Variants in SCHIP1 observed in about 807,000 individuals in gnomAD.
SCHIP1 encodes schwannomin-interacting protein 1.
Under a neutral mutation model 29.7 loss-of-function variants are expected in SCHIP1, and 8 were observed. That is an observed-to-expected ratio of 0.27 (90% CI 0.16 to 0.49). The LOEUF (loss-of-function observed/expected upper bound fraction) is 0.49, where lower values mean the gene tolerates loss of function less well. Ranked by LOEUF, SCHIP1 falls within the 20% of genes least tolerant of loss-of-function variation. The probability of loss-of-function intolerance (pLI) is 0.99; values close to 1 mark genes in which losing one functional copy is unlikely to be tolerated. For missense variants in SCHIP1, 193 were observed against 294.6 expected (o/e 0.66, Z 2.52); for synonymous variants, 76 against 94.9 (o/e 0.80, Z 1.16).
At chr3:159,843,404 C>T (rs1182159157) in intron 1 of SCHIP1, among the ~76,000 whole-genome samples, 1 of 152,008 alleles carries the variant, frequency 6.6e-6, no homozygotes, top group Non-Finnish European at 1.5e-5. Flanking sequence ...TTTTCTGGCT[C>T]CCTCACTCAC....
At chr3:159,716,421 G>C in the SCHIP1 span, among the ~76,000 whole-genome samples, 1 of 152,146 alleles carries the variant, frequency 6.6e-6, no homozygotes, top group African/African-American at 2.4e-5. Flanking sequence ...AAATGTAAAT[G>C]GGCTAAATGC....
intron 2 of SCHIP1, among the ~76,000 whole-genome samples, chr3:159,874,091 A>G (rs918003180): frequency 6.6e-6 from 1 of 152,196 alleles, no homozygotes; most frequent in Non-Finnish European, 1.5e-5. Flanking sequence ...CTGACCTAAC[A>G]TTGTGAAGGA....
chr3:159,774,593 G>T, the SCHIP1 span, among the ~76,000 whole-genome samples: 1 of 151,864 alleles, frequency 6.6e-6, no homozygotes, highest in South Asian at 2.1e-4. Flanking sequence ...TATATTTCCC[G>T]TAAAGTGTAG....
the SCHIP1 span, among the ~76,000 whole-genome samples, chr3:159,802,802 A>G: frequency 6.6e-6 from 1 of 152,202 alleles, no homozygotes. Flanking sequence ...TTCAGAAAGG[A>G]TAGTAGCTTA....
chr3:159,866,348 T>TAA (rs146356178), intron 2 of SCHIP1, 67 bp downstream of exon 3: 56 of 1,420,188 alleles, frequency 3.9e-5, no homozygotes, highest in Non-Finnish European at 5.2e-5. Flanking sequence ...ACTATTCTAA[T>TAA]AAAAAAAAGC....
the SCHIP1 span, among the ~76,000 whole-genome samples, chr3:159,657,230 C>T: frequency 6.6e-6 from 1 of 152,176 alleles, no homozygotes; most frequent in African/African-American, 2.4e-5. Flanking sequence ...ATGGTGCTAA[C>T]AAATGATGTG....
the SCHIP1 span, among the ~76,000 whole-genome samples, chr3:159,799,564 A>G: frequency 3.3e-5 from 5 of 152,264 alleles, no homozygotes; most frequent in African/African-American, 9.6e-5. Context: ...ACTGACAGAC[A>G]ATCCAACAGG....
At chr3:159,370,285 C>A in the SCHIP1 span, among the ~76,000 whole-genome samples, 1 of 152,260 alleles carries the variant, frequency 6.6e-6, no homozygotes, top group African/African-American at 2.4e-5. Flanking sequence ...CTCCAACAGA[C>A]CATGCACACT....
chr3:159,871,740 T>C (rs1287189046), intron 2 of SCHIP1, among the ~76,000 whole-genome samples: 1 of 152,154 alleles, frequency 6.6e-6, no homozygotes, highest in Non-Finnish European at 1.5e-5. Flanking sequence ...ATAGGAACTG[T>C]AGCATATAAA....
At chr3:159,841,072 A>T (rs1443978281) in intron 1 of SCHIP1, among the ~76,000 whole-genome samples, 2 of 152,208 alleles carry the variant, frequency 1.3e-5, no homozygotes, top group Non-Finnish European at 2.9e-5. Flanking sequence ...CAACTGACTG[A>T]GTTTAGAATC....
At chr3:159,583,238 C>A in the SCHIP1 span, among the ~76,000 whole-genome samples, 1 of 152,116 alleles carries the variant, frequency 6.6e-6, no homozygotes, top group Non-Finnish European at 1.5e-5. Flanking sequence ...TCTAAGGCAA[C>A]ACAACCATGA....
the SCHIP1 span, among the ~76,000 whole-genome samples, chr3:159,696,269 T>G: frequency 6.6e-6 from 1 of 152,160 alleles, no homozygotes; most frequent in Non-Finnish European, 1.5e-5. Flanking sequence ...CAGGACAGTG[T>G]GTAGCTCCTG....
intron 2 of SCHIP1, among the ~76,000 whole-genome samples, chr3:159,878,544 C>G (rs948145262): frequency 2.6e-5 from 4 of 150,952 alleles, no homozygotes; most frequent in African/African-American, 9.8e-5. Flanking sequence ...TTTGGGAGGC[C>G]GAGGCGGGCG....
At chr3:159,359,161 C>T in the SCHIP1 span, among the ~76,000 whole-genome samples, 4 of 151,882 alleles carry the variant, frequency 2.6e-5, no homozygotes, top group Admixed American at 6.6e-5. Context: ...CTCCTGACCT[C>T]GTGATCCGCC....
the SCHIP1 span, among the ~76,000 whole-genome samples, chr3:159,400,677 C>T: frequency 6.6e-6 from 1 of 152,168 alleles, no homozygotes; most frequent in Non-Finnish European, 1.5e-5. Context: ...TCAGGTTCCT[C>T]CAGCCTCTGA....
At chr3:159,814,862 A>G in the SCHIP1 span, among the ~76,000 whole-genome samples, 1 of 152,230 alleles carries the variant, frequency 6.6e-6, no homozygotes, top group Non-Finnish European at 1.5e-5. Context: ...GAGGATTGAA[A>G]TGATCCTAAT....
chr3:159,341,380 T>G, the SCHIP1 span, among the ~76,000 whole-genome samples: 1 of 152,122 alleles, frequency 6.6e-6, no homozygotes, highest in Non-Finnish European at 1.5e-5. Context: ...GCAAATACCT[T>G]AAAGAAAAAC....
chr3:159,558,524 T>C, the SCHIP1 span, among the ~76,000 whole-genome samples: 1 of 152,012 alleles, frequency 6.6e-6, no homozygotes, highest in Non-Finnish European at 1.5e-5. Context: ...TCCTAGTTGG[T>C]GAAAGAAGAA....
the SCHIP1 span, among the ~76,000 whole-genome samples, chr3:159,814,247 G>C: frequency 2.6e-5 from 4 of 152,200 alleles, no homozygotes; most frequent in Non-Finnish European, 5.9e-5. Flanking sequence ...GCCCAGCCCC[G>C]TTGCAGAGCA....
Sources: allele counts gnomAD v4.1 joint callset (sites outside exome capture counted in the v4.1 genomes callset), GRCh38; gene constraint gnomAD v4.1.1; transcripts MANE v1.5; gene names NCBI Gene and HGNC (gene_info 2026-07-23, HGNC 2026-07-21).